ADGRV1: variants seen among roughly 807,000 people sequenced by gnomAD.
ADGRV1 encodes the protein G-protein coupled receptor 98.
Under a neutral mutation model 596.2 loss-of-function variants are expected in ADGRV1, and 359 were observed. The observed-to-expected ratio is 0.60, with a 90% CI of 0.55 to 0.66. The LOEUF is 0.66. Among genes scored for constraint, ADGRV1 ranks in the 30% least tolerant of loss-of-function variants. ADGRV1 has a pLI of 0.00. For missense variants in ADGRV1, 7,274 were observed against 7,575.6 expected (o/e 0.96, Z 1.48); for synonymous variants, 2,681 against 2,679.2 (o/e 1.00, Z -0.02).
chr5:91,128,456 G>A (rs1793948446), intron 87 of ADGRV1, among the ~76,000 whole-genome samples: 1 of 152,094 alleles, frequency 6.6e-6, no homozygotes. Context: ...GAAGACAGGT[G>A]CTATGCGTTT....
intron 1 of ADGRV1, among the ~76,000 whole-genome samples, chr5:90,576,403 G>C (rs1757221740): frequency 6.6e-6 from 1 of 152,000 alleles, no homozygotes; most frequent in Non-Finnish European, 1.5e-5. Context: ...TGAGAATGAT[G>C]GTTTCCAGCT....
chr5:90,953,272 C>G (rs1187140316), intron 83 of ADGRV1, among the ~76,000 whole-genome samples: 1 of 152,094 alleles, frequency 6.6e-6, no homozygotes, highest in Non-Finnish European at 1.5e-5. Context: ...GTTACCTTTG[C>G]TATCACACAG....
intron 87 of ADGRV1, among the ~76,000 whole-genome samples, chr5:91,124,828 C>T (rs528475908): frequency 5.3e-5 from 8 of 152,270 alleles, no homozygotes; most frequent in East Asian, 1.9e-4. Flanking sequence ...TTCTATAATG[C>T]TCTCTTTTAT....
chr5:91,022,737 C>T (rs944053677), intron 85 of ADGRV1, among the ~76,000 whole-genome samples: 2 of 152,230 alleles, frequency 1.3e-5, no homozygotes, highest in Middle Eastern at 3.4e-3. Context: ...CACCCCCATT[C>T]ATGAACAACT....
At chr5:90,667,799 CCTTT>C (rs1771701244) in intron 21 of ADGRV1, among the ~76,000 whole-genome samples, 1 of 152,150 alleles carries the variant, frequency 6.6e-6, no homozygotes, top group African/African-American at 2.4e-5. Flanking sequence ...GTGTGGATGT[CCTTT>C]CTGTTTGTTA....
chr5:91,082,882 T>C (rs1442542102), intron 86 of ADGRV1, among the ~76,000 whole-genome samples: 1 of 152,164 alleles, frequency 6.6e-6, no homozygotes, highest in Non-Finnish European at 1.5e-5. Context: ...TTATTTAAAG[T>C]TACCTCTAAT....
At chr5:91,126,530 C>T (rs1173959345) in intron 87 of ADGRV1, among the ~76,000 whole-genome samples, 1 of 152,190 alleles carries the variant, frequency 6.6e-6, no homozygotes, top group African/African-American at 2.4e-5. Flanking sequence ...GAAATGAGGT[C>T]AGCCCCCCAG....
At chr5:90,748,259 G>T (rs1039616494) in intron 52 of ADGRV1, among the ~76,000 whole-genome samples, 5 of 152,200 alleles carry the variant, frequency 3.3e-5, no homozygotes, top group African/African-American at 1.2e-4. Context: ...TAGTAGATCA[G>T]CTTCCTCTGA....
At chr5:90,999,685 A>C (rs535645562) in intron 85 of ADGRV1, among the ~76,000 whole-genome samples, 2 of 152,262 alleles carry the variant, frequency 1.3e-5, no homozygotes, top group African/African-American at 4.8e-5. Context: ...TCTATAATGC[A>C]AAGTTTTTTT....
intron 89 of ADGRV1, among the ~76,000 whole-genome samples, chr5:91,156,506 G>A (rs1212644506): frequency 1.3e-5 from 2 of 152,194 alleles, no homozygotes; most frequent in African/African-American, 4.8e-5. Context: ...CAGTGCTACA[G>A]TGTCATCAGT....
chr5:90,946,049 G>A (rs1379619904), intron 83 of ADGRV1, among the ~76,000 whole-genome samples: 2 of 152,084 alleles, frequency 1.3e-5, no homozygotes, highest in African/African-American at 4.8e-5. Flanking sequence ...GTAATACAAG[G>A]AATATGATCA....
intron 82 of ADGRV1, among the ~76,000 whole-genome samples, chr5:90,857,008 T>G (rs1238558490): frequency 6.6e-6 from 1 of 152,174 alleles, no homozygotes; most frequent in Non-Finnish European, 1.5e-5. Context: ...TTACTATTTG[T>G]TCTGGTTGCC....
intron 81 of ADGRV1, among the ~76,000 whole-genome samples, chr5:90,854,891 C>CA: frequency 6.6e-6 from 1 of 152,278 alleles, no homozygotes; most frequent in East Asian, 1.9e-4. Flanking sequence ...CAACTTTCCT[C>CA]AAAAACACTG....
At chr5:90,833,436 C>T (rs556025479) in intron 77 of ADGRV1, among the ~76,000 whole-genome samples, 3 of 152,146 alleles carry the variant, frequency 2.0e-5, no homozygotes, top group African/African-American at 7.2e-5. Context: ...AAGTGCACAC[C>T]ACCACACCTG....
At chr5:90,629,583 A>T in intron 9 of ADGRV1, 44 bp downstream of exon 9, 1 of 1,316,836 alleles carries the variant, frequency 7.6e-7, no homozygotes, top group Non-Finnish European at 1.1e-6. Flanking sequence ...TTAACCTTCA[A>T]GTGTACTAAC....
chr5:90,748,580 C>T (rs917725583), intron 52 of ADGRV1, among the ~76,000 whole-genome samples: 2 of 152,028 alleles, frequency 1.3e-5, no homozygotes, highest in African/African-American at 4.8e-5. Context: ...GAGAAGGCAA[C>T]CCTAAGACAT....
rs974029538 is a variant in ADGRV1, at chr5:90,683,833, C to G, written c.5912C>G (p.Ala1971Gly). 6.2e-7 allele frequency: 1 copy of G among 1,613,742 alleles called. No individual in the cohort carries two copies. Among genetic ancestry groups the G allele is most frequent in the African/African-American group, 1.3e-5 (1 of 75,000 alleles). Residue 1971 changes from alanine to glycine, a missense_variant, in exon 28 of 90, where the codon GCT becomes GGT. Coordinates refer to ENST00000405460, the MANE Select transcript of ADGRV1 (RefSeq NM_032119.4). ...ATTAATGCCACGTTAACAGTTTTGGCTAGTGATGATCCATATGGGATATTC... is the reference window on the plus strand; with the variant it reads ...ATTAATGCCACGTTAACAGTTTTGGGTAGTGATGATCCATATGGGATATTC... The part of the protein sequence containing the change: ...AHINATLTVL[A>G]SDDPYGIFIF...
intron 53 of ADGRV1, among the ~76,000 whole-genome samples, chr5:90,751,826 A>G (rs894754533): frequency 7.2e-5 from 11 of 152,292 alleles, no homozygotes; most frequent in African/African-American, 1.4e-4. Flanking sequence ...TGTTATAGCA[A>G]ATTCTATTGC....
At chr5:91,093,150 C>T (rs1790530917) in intron 86 of ADGRV1, among the ~76,000 whole-genome samples, 1 of 152,188 alleles carries the variant, frequency 6.6e-6, no homozygotes, top group Non-Finnish European at 1.5e-5. Context: ...TTTATCAGGA[C>T]TTACGGTACA....
Sources: allele counts gnomAD v4.1 joint callset (sites outside exome capture counted in the v4.1 genomes callset), GRCh38; gene constraint gnomAD v4.1.1; transcripts MANE v1.5; gene names NCBI Gene and HGNC (gene_info 2026-07-23, HGNC 2026-07-21).